The following DCLK2 variants were observed in gnomAD, a reference collection of about 807,000 sequenced individuals.
DCLK2 encodes serine/threonine-protein kinase DCLK2.
Under a neutral mutation model 78.4 loss-of-function variants are expected in DCLK2, and 31 were observed. The observed-to-expected ratio is 0.40, with a 90% confidence interval of 0.30 to 0.53. The LOEUF (loss-of-function observed/expected upper bound fraction) is 0.53, where lower values mean the gene tolerates loss of function less well. DCLK2 is among the 20% of genes least tolerant of loss of function. DCLK2 has a pLI of 0.61. For synonymous variants in DCLK2, 407 were observed against 374.9 expected (o/e 1.09, Z -0.99); for missense variants, 872 against 973.7 (o/e 0.90, Z 1.39).
chr4:150,214,723 A>G (rs1265590729), intron 5 of DCLK2, among the ~76,000 whole-genome samples: 1 of 152,160 alleles, frequency 6.6e-6, no homozygotes, highest in African/African-American at 2.4e-5. Flanking sequence ...GCACTTTGGG[A>G]GGCCAAGGTG....
At chr4:150,098,951 C>A (rs1488818597) in intron 1 of DCLK2, among the ~76,000 whole-genome samples, 1 of 151,954 alleles carries the variant, frequency 6.6e-6, no homozygotes, top group African/African-American at 2.4e-5. Context: ...TCCCTCGGCT[C>A]CCCAAAGTGC....
intron 4 of DCLK2, among the ~76,000 whole-genome samples, chr4:150,201,297 G>T (rs1739430708): frequency 6.6e-6 from 1 of 152,134 alleles, no homozygotes; most frequent in South Asian, 2.1e-4. Context: ...GCAGGTGCTG[G>T]CTGGCGGAGG....
At chr4:150,190,929 C>G (rs1260489257) in intron 2 of DCLK2, among the ~76,000 whole-genome samples, 2 of 152,002 alleles carry the variant, frequency 1.3e-5, no homozygotes, top group Non-Finnish European at 2.9e-5. Flanking sequence ...CCATCTCTAC[C>G]TACTTACCTA....
chr4:150,133,529 G>C (rs1318861072), intron 2 of DCLK2, among the ~76,000 whole-genome samples: 1 of 152,136 alleles, frequency 6.6e-6, no homozygotes, highest in Non-Finnish European at 1.5e-5. Context: ...TTTACTGTTT[G>C]GTTTTAAAGG....
At chr4:150,207,640 C>G (rs1286844333) in intron 5 of DCLK2, among the ~76,000 whole-genome samples, 1 of 152,118 alleles carries the variant, frequency 6.6e-6, no homozygotes, top group East Asian at 1.9e-4. Flanking sequence ...AAGCTTTCTT[C>G]AACTTGTGAA....
intron 1 of DCLK2, among the ~76,000 whole-genome samples, chr4:150,087,396 A>T (rs573217941): frequency 2.1e-4 from 32 of 152,138 alleles, no homozygotes; most frequent in Non-Finnish European, 4.1e-4. Flanking sequence ...TTCCTTCACT[A>T]TATGTTTTTA....
At chr4:150,147,520 A>G (rs1436591337) in intron 2 of DCLK2, among the ~76,000 whole-genome samples, 1 of 152,234 alleles carries the variant, frequency 6.6e-6, no homozygotes, top group Non-Finnish European at 1.5e-5. Context: ...AGCATCAAAA[A>G]TAAGTTGTAC....
chr4:150,119,875 A>G (rs1324671396), intron 2 of DCLK2, among the ~76,000 whole-genome samples: 4 of 152,208 alleles, frequency 2.6e-5, no homozygotes, highest in Non-Finnish European at 4.4e-5. Flanking sequence ...ATTTGCCTCT[A>G]TGCCAAAAGC....
intron 10 of DCLK2, among the ~76,000 whole-genome samples, chr4:150,239,435 A>G (rs1742741120): frequency 6.6e-6 from 1 of 151,986 alleles, no homozygotes; most frequent in African/African-American, 2.4e-5. Context: ...CCGTCTCTAC[A>G]AAAAATAAAG....
chr4:150,191,010 C>T (rs953076053), intron 2 of DCLK2, among the ~76,000 whole-genome samples: 3 of 152,046 alleles, frequency 2.0e-5, no homozygotes, highest in African/African-American at 7.2e-5. Flanking sequence ...CCTATGGTCC[C>T]AGCTACTCAG....
chr4:150,215,181 A>AG (rs1740597360), intron 5 of DCLK2, among the ~76,000 whole-genome samples: 1 of 152,186 alleles, frequency 6.6e-6, no homozygotes, highest in East Asian at 1.9e-4. Flanking sequence ...ACCAAAAAAA[A>AG]CAATAAGCAC....
chr4:150,204,258 T>C (rs772799129), intron 5 of DCLK2, among the ~76,000 whole-genome samples: 1 of 152,196 alleles, frequency 6.6e-6, no homozygotes, highest in Non-Finnish European at 1.5e-5. Flanking sequence ...TTTCGAGTCA[T>C]GACTTTAATA....
chr4:150,097,412 C>T (rs961230136), intron 1 of DCLK2, among the ~76,000 whole-genome samples: 2 of 152,128 alleles, frequency 1.3e-5, no homozygotes, highest in African/African-American at 4.8e-5. Flanking sequence ...ATCTGCCCAC[C>T]TTGGCCTCCC....
At chr4:150,103,371 AGCAATTAAAATTATG>A (rs1415516885) in intron 2 of DCLK2, among the ~76,000 whole-genome samples, 1 of 152,194 alleles carries the variant, frequency 6.6e-6, no homozygotes, top group African/African-American at 2.4e-5. Context: ...CACAGGAAAA[AGCAATTAAAATTATG>A]GCAACAATGT....
chr4:150,232,645 G>A, intron 9 of DCLK2, 37 bp from the exon 10 acceptor site: 1 of 1,606,262 alleles, frequency 6.2e-7, no homozygotes, highest in East Asian at 2.2e-5. Flanking sequence ...GGATTGCACT[G>A]TTGATGCTTT....
intron 7 of DCLK2, among the ~76,000 whole-genome samples, chr4:150,222,197 C>T (rs1741238696): frequency 6.6e-6 from 1 of 152,050 alleles, no homozygotes; most frequent in Non-Finnish European, 1.5e-5. Flanking sequence ...TCAAACAGTC[C>T]TCCTGTCTTG....
chr4:150,182,324 G>C (rs1461307403), intron 2 of DCLK2, among the ~76,000 whole-genome samples: 2 of 152,120 alleles, frequency 1.3e-5, no homozygotes, highest in African/African-American at 4.8e-5. Context: ...TGGAATTACA[G>C]ACATGAACCA....
intron 3 of DCLK2, 112 bp from the exon 4 acceptor site, chr4:150,197,890 A>G: frequency 1.4e-6 from 1 of 735,186 alleles, no homozygotes; most frequent in Non-Finnish European, 2.2e-6. Context: ...ATTGTTTAAC[A>G]GTAATACCTA....
chr4:150,121,264 A>G lies in DCLK2; in HGVS notation c.756+18452A>G, dbSNP rs1037649988. On this transcript the variant is annotated intron_variant, in intron 2 of 15. Coordinates refer to ENST00000296550, the MANE Select transcript of DCLK2 (RefSeq NM_001040260.4). ...TTGATAGCATTTTAGCCACAGTAGA[A>G]CTTCTTTCAAAATTTGTCAATCCTT... Among the ~76,000 whole-genome samples the G allele has an allele frequency of 1.1e-4, 9 of 82,216 alleles. No homozygotes were observed. In the Middle Eastern group the frequency reaches 0.02, roughly 183 times the overall value. The allele number at this position is 82,216 out of a possible 152,430, so 53.9% of individuals were successfully genotyped here.
Sources: allele counts gnomAD v4.1 joint callset (sites outside exome capture counted in the v4.1 genomes callset), GRCh38; gene constraint gnomAD v4.1.1; transcripts MANE v1.5; gene names NCBI Gene and HGNC (gene_info 2026-07-23, HGNC 2026-07-21).